NALCN: variants seen among roughly 807,000 people sequenced by gnomAD.
NALCN encodes sodium leak channel NALCN.
A neutral mutation model predicts 225.3 loss-of-function variants in NALCN; 111 were observed. The observed-to-expected ratio is 0.49, with a 90% CI of 0.42 to 0.58. The LOEUF (loss-of-function observed/expected upper bound fraction) is 0.58. Ranked by LOEUF, NALCN falls within the 20% of genes least tolerant of loss-of-function variation. The probability of loss-of-function intolerance (pLI) is 0.00; values close to 1 mark genes in which losing one functional copy is unlikely to be tolerated. For synonymous variants in NALCN, 764 were observed against 769.0 expected, an observed-to-expected ratio of 0.99 and a Z score of 0.11; for missense variants, 1,378 against 2,202.4, an observed-to-expected ratio of 0.63 and a Z score of 7.49.
At chr13:101,322,344 G>A (rs1258099281) in intron 7 of NALCN, among the ~76,000 whole-genome samples, 1 of 152,180 alleles carries the variant, frequency 6.6e-6, no homozygotes, top group Non-Finnish European at 1.5e-5. Context: ...ATTTGACAAT[G>A]TACAATGCAC....
intron 3 of NALCN, 44 bp downstream of exon 3, chr13:101,395,139 C>A: frequency 6.4e-7 from 1 of 1,551,288 alleles, no homozygotes; most frequent in South Asian, 1.2e-5. Context: ...TTAAGACTTT[C>A]AACACATTTA....
chr13:101,229,356 C>A, intron 13 of NALCN, 37 bp downstream of exon 13: 3 of 1,457,490 alleles, frequency 2.1e-6, no homozygotes, highest in East Asian at 2.5e-5. Flanking sequence ...AAAATAAGAA[C>A]AATGAATTTA....
At chr13:101,341,491 T>C (rs2045558447) in intron 7 of NALCN, among the ~76,000 whole-genome samples, 1 of 152,214 alleles carries the variant, frequency 6.6e-6, no homozygotes, top group Non-Finnish European at 1.5e-5. Flanking sequence ...AAGATGTGTC[T>C]CAGTGTTGAC....
At chr13:101,190,897 G>A (rs1401718560) in intron 14 of NALCN, among the ~76,000 whole-genome samples, 1 of 152,136 alleles carries the variant, frequency 6.6e-6, no homozygotes, top group Admixed American at 6.6e-5. Context: ...ATAATTAGCT[G>A]CAAGACTAAG....
intron 17 of NALCN, among the ~76,000 whole-genome samples, chr13:101,131,906 A>C (rs1335771261): frequency 6.6e-6 from 1 of 152,066 alleles, no homozygotes; most frequent in African/African-American, 2.4e-5. Context: ...TTTCTTGTTG[A>C]ATTTTAAAGT....
intron 27 of NALCN, among the ~76,000 whole-genome samples, chr13:101,096,009 T>C (rs2034481772): frequency 2.0e-5 from 3 of 152,190 alleles, no homozygotes; most frequent in East Asian, 1.9e-4. Flanking sequence ...ACCATAATGA[T>C]ATATCACCTC....
intron 11 of NALCN, among the ~76,000 whole-genome samples, chr13:101,240,135 C>T (rs534278872): frequency 6.7e-4 from 102 of 152,014 alleles, no homozygotes; most frequent in Non-Finnish European, 1.1e-3. Flanking sequence ...ATTGTTAGTG[C>T]TACAAACATA....
At chr13:101,091,430 T>C (rs1340185171) in intron 28 of NALCN, among the ~76,000 whole-genome samples, 1 of 152,182 alleles carries the variant, frequency 6.6e-6, no homozygotes, top group Non-Finnish European at 1.5e-5. Context: ...TTTTGAATAT[T>C]AAATAGATGA....
rs1594212154 is a variant in NALCN at position 101,104,726 on chromosome 13, T to C, written c.2637-76A>G. On this transcript the variant is annotated intron_variant, in intron 23 of 43. Transcript: ENST00000251127. The surrounding 1 kb of genome is among the most constrained non-coding windows in gnomAD (Gnocchi z 4.2). ...TCTAAGAGTTAGAGATGATGGCTTC[T>C]GTGGCTCTATCAACATGACTGGTAT... 1.2e-5 allele frequency: 19 copies of C among 1,594,240 alleles called. No homozygotes were observed. The East Asian group carries it at 3.8e-4, about 32-fold the overall frequency.
intron 7 of NALCN, among the ~76,000 whole-genome samples, chr13:101,339,451 G>C (rs1180306180): frequency 6.6e-6 from 1 of 152,176 alleles, no homozygotes; most frequent in East Asian, 1.9e-4. Context: ...CCACAGGAAA[G>C]CTATCCAGAA....
intron 7 of NALCN, among the ~76,000 whole-genome samples, chr13:101,295,982 A>G (rs753944572): frequency 5.3e-5 from 8 of 152,206 alleles, no homozygotes; most frequent in Non-Finnish European, 1.2e-4. Flanking sequence ...AACTGTAGCT[A>G]CTGAAACTTC....
rs767899309 is a variant in NALCN, at chr13:101,346,057, TTCTC to T, written c.645-641_645-638del. ...TATATATATGAGACCTTGAGAGACT[TTCTC>T]TCTCTCTCTCTCTCTCTCTCTCTCT... On this transcript the variant is annotated intron_variant, in intron 6 of 43. Coordinates refer to ENST00000251127, the MANE Select transcript of NALCN (RefSeq NM_052867.4). Among the ~76,000 whole-genome samples, 259 of 75,550 alleles carry T rather than the reference TTCTC, an allele frequency of 3.4e-3. 3 individuals carry two copies. The highest frequency in any genetic ancestry group is 7.7e-3 in the African/African-American group (154 of 19,948). 49.6% of individuals were successfully genotyped at this position (75,550 alleles called of 152,430 possible). A position where few individuals can be genotyped will look rare whatever the true frequency, so the allele number is the denominator to read the frequency against.
chr13:101,068,458 A>C (rs1199688063), intron 38 of NALCN, among the ~76,000 whole-genome samples: 1 of 152,222 alleles, frequency 6.6e-6, no homozygotes. Flanking sequence ...ATCCATGAGA[A>C]GAGCCCTTTT....
chr13:101,290,987 C>T (rs1449634192), intron 9 of NALCN, among the ~76,000 whole-genome samples: 1 of 152,022 alleles, frequency 6.6e-6, no homozygotes, highest in African/African-American at 2.4e-5. Flanking sequence ...CACAAAAACA[C>T]ACACGTGAAA....
intron 18 of NALCN, among the ~76,000 whole-genome samples, chr13:101,113,815 T>C (rs2035565326): frequency 6.6e-6 from 1 of 152,240 alleles, no homozygotes; most frequent in African/African-American, 2.4e-5. Flanking sequence ...TTAACCAAGC[T>C]TGTTTAACGC....
At chr13:101,171,875 C>G (rs1452630726) in intron 15 of NALCN, among the ~76,000 whole-genome samples, 1 of 152,190 alleles carries the variant, frequency 6.6e-6, no homozygotes, top group Non-Finnish European at 1.5e-5. Context: ...TTCATTGTAG[C>G]TTTAAACAAA....
intron 13 of NALCN, among the ~76,000 whole-genome samples, chr13:101,206,086 T>C (rs2040301882): frequency 6.6e-6 from 1 of 152,076 alleles, no homozygotes; most frequent in Non-Finnish European, 1.5e-5. Context: ...CTATTGTTCT[T>C]CTCTTTACAA....
chr13:101,217,957 A>G (rs1203292113), intron 13 of NALCN, among the ~76,000 whole-genome samples: 1 of 152,146 alleles, frequency 6.6e-6, no homozygotes, highest in African/African-American at 2.4e-5. Context: ...TTGGAGACAG[A>G]GCTGAGAGAA....
chr13:101,149,026 G>A (rs1224338655), intron 15 of NALCN, among the ~76,000 whole-genome samples: 1 of 152,212 alleles, frequency 6.6e-6, no homozygotes, highest in Non-Finnish European at 1.5e-5. Context: ...GGGCGCAGTG[G>A]CTCACGCCTG....
Sources: gnomAD v4.1 joint callset for allele counts (sites outside exome capture counted in the v4.1 genomes callset) on GRCh38, gnomAD v4.1.1 for gene constraint, Gnocchi (gnomAD v3.1) non-coding constraint, MANE v1.5 for transcripts, NCBI Gene and HGNC (gene_info 2026-07-23, HGNC 2026-07-21) for gene names.